The following DACH2 variants were observed in gnomAD, a reference collection of about 807,000 sequenced individuals.
DACH2 encodes the protein dachshund homolog 2.
In DACH2, 17 loss-of-function variants were observed where a neutral mutation model predicts 35.8. The observed-to-expected ratio is 0.48, with a 90% confidence interval of 0.33 to 0.71. DACH2 has a LOEUF of 0.71. Among genes scored for constraint, DACH2 ranks in the 30% least tolerant of loss-of-function variants. The pLI is 0.02. For synonymous variants in DACH2, 195 were observed against 177.3 expected, an observed-to-expected ratio of 1.10 and a Z score of -0.79; for missense variants, 469 against 472.7, an observed-to-expected ratio of 0.99 and a Z score of 0.07.
At chrX:86,519,967 G>A (rs2038528970) in intron 3 of DACH2, among the ~76,000 whole-genome samples, 1 of 110,533 alleles carries the variant, frequency 9.0e-6, no homozygotes, top group Admixed American at 9.7e-5. Context: ...ATTTGTTCCT[G>A]CTTCTCTAAT....
rs756728858 is a variant in DACH2 at position 86,781,323 on chromosome X, T to C, written c.1241-31533T>C. 3.6e-5 allele frequency among the ~76,000 whole-genome samples: 4 copies of C among 111,786 alleles called. No homozygotes were observed. The East Asian group carries it at 8.5e-4, about 24-fold the overall frequency. On this transcript the variant is annotated intron_variant, in intron 7 of 11. Coordinates refer to ENST00000373125, the MANE Select transcript of DACH2 (RefSeq NM_053281.3). ...TCCTTTAGTTCATCATTTTCTTTCA[T>C]CACTTTGTCCACTTAAGAGCAACCA... is the stretch of plus-strand genomic sequence containing the variant.
chrX:86,532,482 C>CTT (rs1491400334), intron 3 of DACH2, among the ~76,000 whole-genome samples: 1 of 76,530 alleles, frequency 1.3e-5, no homozygotes, highest in African/African-American at 6.1e-5. Context: ...TGAAGTATAG[C>CTT]TCTCTCTCTC....
At position 86,389,426 on chromosome X, in the gene DACH2, A is replaced by G. The variant is rs2036168113; in HGVS notation, c.527+12564A>G. Among the ~76,000 whole-genome samples the G allele has an allele frequency of 3.6e-5, 4 of 112,568 alleles. No homozygotes were observed. The Admixed American group carries it at 3.8e-4, about 11-fold the overall frequency. ...AATTCCAGCAACTGCAAAAATAATT[A>G]GTGACATTAAGTTGAAAATGTTGTA... On this transcript the variant is annotated intron_variant, in intron 2 of 11. Coordinates refer to ENST00000373125, the MANE Select transcript of DACH2 (RefSeq NM_053281.3).
intron 4 of DACH2, 92 bp downstream of exon 4, chrX:86,651,259 A>G: frequency 3.1e-6 from 3 of 957,192 alleles, no homozygotes; most frequent in Non-Finnish European, 4.2e-6. Flanking sequence ...AGAGAATAAT[A>G]AGTCTACTTT....
intron 1 of DACH2, among the ~76,000 whole-genome samples, chrX:86,178,637 A>T (rs937524896): frequency 9.0e-6 from 1 of 111,411 alleles, no homozygotes. Flanking sequence ...TGTCTCAGGC[A>T]CAGTTGTTCT....
chrX:86,519,455 G>A (rs2148275858), intron 3 of DACH2, among the ~76,000 whole-genome samples: 1 of 111,628 alleles, frequency 9.0e-6, no homozygotes, highest in Admixed American at 9.5e-5. Flanking sequence ...TTTTGGAATA[G>A]CTTCAGTAGG....
chrX:86,608,502 T>A (rs992643662), intron 3 of DACH2, among the ~76,000 whole-genome samples: 1 of 112,026 alleles, frequency 8.9e-6, no homozygotes, highest in Admixed American at 9.5e-5. Flanking sequence ...GTTATTACAG[T>A]CTGTGTTTTT....
At chrX:86,295,448 A>G (rs1406260970) in intron 1 of DACH2, among the ~76,000 whole-genome samples, 4 of 110,960 alleles carry the variant, frequency 3.6e-5, no homozygotes, top group Non-Finnish European at 7.6e-5. Flanking sequence ...TTCATACCCA[A>G]CCAGTTCACT....
intron 1 of DACH2, among the ~76,000 whole-genome samples, chrX:86,329,515 A>C (rs914657366): frequency 1.8e-5 from 2 of 111,265 alleles, no homozygotes; most frequent in African/African-American, 3.3e-5. Context: ...GCCTGGGGTC[A>C]TGACCCTGTC....
chrX:86,488,709 T>A (rs2038052266), intron 2 of DACH2, among the ~76,000 whole-genome samples: 1 of 111,475 alleles, frequency 9.0e-6, no homozygotes, highest in African/African-American at 3.3e-5. Context: ...AAGCATCACC[T>A]TGTGCCCCAT....
intron 2 of DACH2, among the ~76,000 whole-genome samples, chrX:86,441,479 C>CTGTGTGTG (rs61396163): frequency 7.3e-5 from 7 of 95,440 alleles, no homozygotes; most frequent in African/African-American, 1.9e-4. Context: ...AAGTATTCCA[C>CTGTGTGTG]TGTGTGTGTG....
intron 3 of DACH2, among the ~76,000 whole-genome samples, chrX:86,525,337 C>G (rs1004481264): frequency 8.9e-6 from 1 of 111,824 alleles, no homozygotes; most frequent in African/African-American, 3.2e-5. Flanking sequence ...ATTTATCTGT[C>G]GTTGATCATA....
intron 2 of DACH2, among the ~76,000 whole-genome samples, chrX:86,469,314 T>C (rs1224283497): frequency 9.0e-6 from 1 of 111,032 alleles, no homozygotes; most frequent in Admixed American, 9.6e-5. Context: ...CAACAATATA[T>C]TGTAGATATG....
At chrX:86,683,137 CTCTTA>C (rs1226906732) in intron 4 of DACH2, among the ~76,000 whole-genome samples, 1 of 111,103 alleles carries the variant, frequency 9.0e-6, no homozygotes, top group Non-Finnish European at 1.9e-5. Flanking sequence ...TGCCTCTTTC[CTCTTA>C]TCTTTTGTTT....
chrX:86,503,521 A>G (rs765328227), intron 2 of DACH2, among the ~76,000 whole-genome samples: 5 of 112,289 alleles, frequency 4.5e-5, no homozygotes, highest in South Asian at 3.7e-4. Context: ...GGTAGGAACT[A>G]TATATTCAAA....
rs183011329 is a variant in DACH2, at chrX:86,711,418, T to C, written c.932-3130T>C. Among the ~76,000 whole-genome samples the C allele has an allele frequency of 8.1e-3, 908 of 111,797 alleles. 6 individuals are homozygous for C. Among genetic ancestry groups the C allele is most frequent in the Non-Finnish European group, 0.014 (758 of 53,054 alleles). On this transcript the variant is annotated intron_variant, in intron 5 of 11. Coordinates refer to ENST00000373125, the MANE Select transcript of DACH2 (RefSeq NM_053281.3). ...ATAAAAAATAAAAAAGTAAATTAAA[T>C]TAAAAAAAGAATTATTCTTTTAGTA...
chrX:86,255,965 C>T (rs1054093932), intron 1 of DACH2, among the ~76,000 whole-genome samples: 1 of 111,106 alleles, frequency 9.0e-6, no homozygotes, highest in African/African-American at 3.3e-5. Context: ...GATTGAAGAA[C>T]CTGCCCAAAC....
At chrX:86,825,039 GAACTT>G (rs1432158818) in intron 11 of DACH2, among the ~76,000 whole-genome samples, 1 of 112,231 alleles carries the variant, frequency 8.9e-6, no homozygotes, top group African/African-American at 3.2e-5. Flanking sequence ...TTTAAAAATA[GAACTT>G]AACTATACTT....
intron 3 of DACH2, among the ~76,000 whole-genome samples, chrX:86,612,323 G>C (rs977753553): frequency 1.8e-5 from 2 of 108,343 alleles, no homozygotes; most frequent in Non-Finnish European, 3.8e-5. Flanking sequence ...CTGGTATTGG[G>C]GAAAGGGTCA....
Sources: gnomAD v4.1 joint callset for allele counts (sites outside exome capture counted in the v4.1 genomes callset) on GRCh38, gnomAD v4.1.1 for gene constraint, MANE v1.5 for transcripts, NCBI Gene and HGNC (gene_info 2026-07-23, HGNC 2026-07-21) for gene names.